Variants in ARHGAP6 observed in about 807,000 individuals in gnomAD.
ARHGAP6 encodes rho GTPase-activating protein 6.
ARHGAP6 carries 16 observed loss-of-function variants against 55.7 expected under a neutral mutation model. The observed-to-expected ratio is 0.29, with a 90% CI of 0.19 to 0.44. ARHGAP6 has a LOEUF of 0.44. Ranked by LOEUF, ARHGAP6 falls within the 20% of genes least tolerant of loss-of-function variation. ARHGAP6 has a pLI of 1.00. For missense variants in ARHGAP6, 698 were observed against 808.9 expected (o/e 0.86, Z 1.66); for synonymous variants, 382 against 360.9 (o/e 1.06, Z -0.66).
intron 9 of ARHGAP6, among the ~76,000 whole-genome samples, chrX:11,159,248 G>T (rs1198705249): frequency 9.0e-6 from 1 of 111,348 alleles, no homozygotes; most frequent in Non-Finnish European, 1.9e-5. Context: ...CTTACTTGCA[G>T]TGGGTGGGGA....
At chrX:11,265,948 T>G (rs1344897369) in intron 1 of ARHGAP6, 4 of 949,623 alleles carry the variant, frequency 4.2e-6, no homozygotes, top group Middle Eastern at 3.0e-4. Context: ...CATTGAGAAG[T>G]TCCTGTCCTT....
intron 1 of ARHGAP6, among the ~76,000 whole-genome samples, chrX:11,526,287 G>C (rs1304873510): frequency 1.8e-5 from 2 of 111,808 alleles, no homozygotes; most frequent in South Asian, 3.8e-4. Flanking sequence ...CAAGGAAGCT[G>C]GTTGTGTTAA....
rs188095436 is a variant in ARHGAP6 at position 11,639,890 on chromosome X, A to G, written c.588+24351T>C. 2.7e-5 allele frequency among the ~76,000 whole-genome samples: 3 copies of G among 111,429 alleles called. No homozygotes were observed. In the East Asian group the frequency reaches 8.5e-4, roughly 32 times the overall value. On this transcript the variant is annotated intron_variant, in intron 1 of 12. Coordinates refer to ENST00000337414, the MANE Select transcript of ARHGAP6 (RefSeq NM_013427.3). The stretch of plus-strand genomic sequence containing the variant: ...ACCATTGGATTTTTAAAAGTAGATC[A>G]GAACCATACTTAACATTTTAAAAGC...
At chrX:11,427,083 G>A (rs939894310) in intron 1 of ARHGAP6, among the ~76,000 whole-genome samples, 1 of 111,126 alleles carries the variant, frequency 9.0e-6, no homozygotes, top group Non-Finnish European at 1.9e-5. Flanking sequence ...GGAGTGAAAC[G>A]GCTGCACCCC....
intron 1 of ARHGAP6, among the ~76,000 whole-genome samples, chrX:11,628,147 A>G (rs902254212): frequency 1.8e-5 from 2 of 112,335 alleles, no homozygotes; most frequent in Admixed American, 9.4e-5. Context: ...ACAGCTTTAA[A>G]AACAGCTGAC....
At chrX:11,161,178 A>G (rs1255837176) in intron 9 of ARHGAP6, among the ~76,000 whole-genome samples, 3 of 112,377 alleles carry the variant, frequency 2.7e-5, no homozygotes, top group East Asian at 2.8e-4. Context: ...CTGTTTTCCT[A>G]TAATTCTTCT....
At chrX:11,425,886 G>A (rs2147782636) in intron 1 of ARHGAP6, among the ~76,000 whole-genome samples, 1 of 111,620 alleles carries the variant, frequency 9.0e-6, no homozygotes, top group South Asian at 3.8e-4. Context: ...TGAATCAAAG[G>A]GTACCAGCAC....
chrX:11,657,976 C>T (rs965381725), intron 1 of ARHGAP6, among the ~76,000 whole-genome samples: 2 of 111,898 alleles, frequency 1.8e-5, no homozygotes, highest in East Asian at 2.8e-4. Flanking sequence ...AGTTTCAGTA[C>T]GTAATCAGGA....
chrX:11,388,381 A>G (rs2049358837), intron 1 of ARHGAP6, among the ~76,000 whole-genome samples: 1 of 110,982 alleles, frequency 9.0e-6, no homozygotes, highest in Admixed American at 9.5e-5. Context: ...CATATCCTTC[A>G]CCCACTTGTT....
intron 1 of ARHGAP6, among the ~76,000 whole-genome samples, chrX:11,277,199 T>C (rs141653232): frequency 6.2e-5 from 7 of 112,194 alleles, no homozygotes; most frequent in African/African-American, 2.3e-4. Context: ...CGTTGTAGCA[T>C]GTGTCATTAC....
At chrX:11,659,880 C>T (rs1364466939) in intron 1 of ARHGAP6, among the ~76,000 whole-genome samples, 1 of 111,976 alleles carries the variant, frequency 8.9e-6, no homozygotes, top group Non-Finnish European at 1.9e-5. Context: ...AACTGTAAGA[C>T]AATAAATTTG....
chrX:11,511,592 G>T (rs973329872), intron 1 of ARHGAP6, among the ~76,000 whole-genome samples: 1 of 112,052 alleles, frequency 8.9e-6, no homozygotes, highest in Non-Finnish European at 1.9e-5. Context: ...GGGACTGAAG[G>T]TCTAGAGACC....
At chrX:11,210,095 C>A (rs1329039178) in intron 2 of ARHGAP6, among the ~76,000 whole-genome samples, 1 of 112,451 alleles carries the variant, frequency 8.9e-6, no homozygotes, top group African/African-American at 3.2e-5. Context: ...GAAGGGCAGT[C>A]CAATAGTATA....
At chrX:11,662,407 A>AACAC (rs150974482) in intron 1 of ARHGAP6, among the ~76,000 whole-genome samples, 14 of 109,955 alleles carry the variant, frequency 1.3e-4, no homozygotes, top group East Asian at 2.8e-4. Context: ...AGGAATTTCC[A>AACAC]ACACACACAC....
chrX:11,605,914 A>C (rs1601692062), intron 1 of ARHGAP6, among the ~76,000 whole-genome samples: 1 of 110,759 alleles, frequency 9.0e-6, no homozygotes, highest in East Asian at 2.8e-4. Context: ...TATGAGAGCC[A>C]AGAGCAACCC....
At chrX:11,142,139 A>G in intron 12 of ARHGAP6, 94 bp downstream of exon 12, 1 of 569,403 alleles carries the variant, frequency 1.8e-6, no homozygotes. Context: ...TTCCCAAGTA[A>G]TGTTTGACAA....
At chrX:11,494,213 C>T (rs1218451758) in intron 1 of ARHGAP6, among the ~76,000 whole-genome samples, 1 of 112,059 alleles carries the variant, frequency 8.9e-6, no homozygotes, top group Non-Finnish European at 1.9e-5. Flanking sequence ...ACAAATCCTC[C>T]CCTCCAACCC....
chrX:11,620,698 G>A (rs1036937168), intron 1 of ARHGAP6, among the ~76,000 whole-genome samples: 12 of 112,375 alleles, frequency 1.1e-4, no homozygotes, highest in Non-Finnish European at 1.9e-4. Flanking sequence ...GGTTATCAAG[G>A]GGGAGTCAGT....
intron 1 of ARHGAP6, among the ~76,000 whole-genome samples, chrX:11,415,273 A>G (rs1569335808): frequency 9.0e-6 from 1 of 111,582 alleles, no homozygotes; most frequent in Admixed American, 9.5e-5. Flanking sequence ...ATTCTGTTTA[A>G]ATGTTAATAT....
Sources: gnomAD v4.1 joint callset for allele counts (sites outside exome capture counted in the v4.1 genomes callset) on GRCh38, gnomAD v4.1.1 for gene constraint, MANE v1.5 for transcripts, NCBI Gene and HGNC (gene_info 2026-07-23, HGNC 2026-07-21) for gene names.